Variants in TRPC4 observed in about 807,000 individuals in gnomAD.
The protein encoded by TRPC4 is short transient receptor potential channel 4.
TRPC4 carries 49 observed loss-of-function variants against 99.4 expected under a neutral mutation model. The observed-to-expected ratio is 0.49, with a 90% CI of 0.39 to 0.63. The LOEUF (loss-of-function observed/expected upper bound fraction) is 0.63. Among genes scored for constraint, TRPC4 ranks in the 20% least tolerant of loss-of-function variants. The pLI, the probability that TRPC4 is intolerant of heterozygous loss-of-function variation, is 0.00. For synonymous variants in TRPC4, 454 were observed against 425.9 expected, an observed-to-expected ratio of 1.07 and a Z score of -0.81; for missense variants, 898 against 1,152.9, an observed-to-expected ratio of 0.78 and a Z score of 3.20.
chr13:37,789,434 T>C (rs1179458532), intron 1 of TRPC4, among the ~76,000 whole-genome samples: 1 of 152,188 alleles, frequency 6.6e-6, no homozygotes, highest in Non-Finnish European at 1.5e-5. Context: ...ATAAACCCTG[T>C]GGATCTCTTA....
chr13:37,711,589 A>C (rs1272831336), intron 3 of TRPC4, among the ~76,000 whole-genome samples: 8 of 152,070 alleles, frequency 5.3e-5, no homozygotes, highest in African/African-American at 1.9e-4. Flanking sequence ...CTACCATTCA[A>C]GATATAAGTC....
rs77084170 is a variant in TRPC4 at position 37,722,117 on chromosome 13, T to C, written c.897+23820A>G. 5.5e-4 allele frequency among the ~76,000 whole-genome samples: 83 copies of C among 152,206 alleles called. 1 individual carries two copies. The East Asian group carries it at 0.014, about 26-fold the overall frequency. On this transcript the variant is annotated intron_variant, in intron 3 of 10. Transcript: ENST00000379705. ...AATGTCTATTTCACAGGTAAGGAAC[T>C]AGAGACTGAGGAAGGTTAAATACTT...
In TRPC4 at chr13:37,746,117, C is replaced by T. The variant is rs769218068; in HGVS notation, c.717G>A (p.Ser239=). 5.6e-6 allele frequency: 9 copies of T among 1,613,728 alleles called. No homozygotes were observed. Among genetic ancestry groups the T allele is most frequent in the East Asian group, 2.2e-5 (1 of 44,814 alleles). The part of the protein sequence containing the change: ...ELSKVENEFK[S]EYEELSRQCK... The stretch of plus-strand genomic sequence containing the variant: ...ACTGCCGTGACAGCTCTTCATACTC[C>T]GACTTGAATTCATTTTCCACCTTGC... Residue 239 remains serine, a synonymous_variant, in exon 3 of 11, where the codon TCG becomes TCA. Transcript: ENST00000379705.
rs140558773 is a variant in TRPC4, at chr13:37,834,301, T to A, written c.-28+35294A>T. ...TAATTGTTTCCTAACCTAAATTATG[T>A]GTTGTTTTTGAATACTTTAAGTCAC... is the stretch of plus-strand genomic sequence containing the variant. On this transcript the variant is annotated intron_variant, in intron 1 of 10. Transcript: ENST00000379705. Among the ~76,000 whole-genome samples the A allele has an allele frequency of 3.3e-5, 5 of 152,320 alleles. No individual in the cohort carries two copies. The East Asian group carries it at 7.7e-4, about 24-fold the overall frequency.
intron 1 of TRPC4, among the ~76,000 whole-genome samples, chr13:37,791,370 T>C (rs1957113634): frequency 7.1e-6 from 1 of 140,318 alleles, no homozygotes; most frequent in Non-Finnish European, 1.5e-5. Context: ...CACTCCAGCC[T>C]GGGCAACACA....
At chr13:37,828,795 A>G (rs2139582212) in intron 1 of TRPC4, among the ~76,000 whole-genome samples, 1 of 152,280 alleles carries the variant, frequency 6.6e-6, no homozygotes, top group East Asian at 1.9e-4. Flanking sequence ...GTACATACAG[A>G]AACAAAGAAG....
chr13:37,640,127 A>G (rs896216956), intron 8 of TRPC4, among the ~76,000 whole-genome samples: 1 of 152,140 alleles, frequency 6.6e-6, no homozygotes, highest in African/African-American at 2.4e-5. Flanking sequence ...TGTTGAATAA[A>G]CATCAGCACT....
intron 6 of TRPC4, 140 bp downstream of exon 6, chr13:37,663,276 T>A (rs1952514461): frequency 1.5e-6 from 1 of 681,194 alleles, no homozygotes; most frequent in African/African-American, 1.8e-5. Context: ...CAAAGCCATG[T>A]TAATTCTGTT....
At chr13:37,839,201 T>G (rs1464754000) in intron 1 of TRPC4, among the ~76,000 whole-genome samples, 1 of 152,180 alleles carries the variant, frequency 6.6e-6, no homozygotes, top group Non-Finnish European at 1.5e-5. Context: ...CTTGTAGCTA[T>G]TCGCATTCCC....
chr13:37,782,876 A>C (rs992341908), intron 2 of TRPC4, 80 bp downstream of exon 2: 28 of 1,117,296 alleles, frequency 2.5e-5, no homozygotes, highest in Non-Finnish European at 2.9e-5. Flanking sequence ...TGAAAATCTA[A>C]AAAAAAAAAA....
At chr13:37,862,394 G>A (rs550229443) in intron 1 of TRPC4, among the ~76,000 whole-genome samples, 26 of 151,632 alleles carry the variant, frequency 1.7e-4, no homozygotes, top group Non-Finnish European at 3.1e-4. Context: ...GGAAAACACT[G>A]TTTTTAATAG....
intron 1 of TRPC4, among the ~76,000 whole-genome samples, chr13:37,839,010 C>T (rs1464642213): frequency 6.6e-6 from 1 of 152,116 alleles, no homozygotes; most frequent in Non-Finnish European, 1.5e-5. Context: ...ATATCATGCT[C>T]TTATATATAT....
At chr13:37,771,201 T>G (rs1428017511) in intron 2 of TRPC4, among the ~76,000 whole-genome samples, 1 of 151,768 alleles carries the variant, frequency 6.6e-6, no homozygotes. Flanking sequence ...TTTGTAAGTA[T>G]GTTTTAACAA....
intron 4 of TRPC4, among the ~76,000 whole-genome samples, chr13:37,679,501 T>C (rs373162175): frequency 6.6e-5 from 10 of 152,312 alleles, no homozygotes; most frequent in African/African-American, 2.4e-4. Flanking sequence ...AATAAAAGCA[T>C]AGTAGACATG....
chr13:37,829,943 A>T (rs989078322), intron 1 of TRPC4, among the ~76,000 whole-genome samples: 1 of 152,182 alleles, frequency 6.6e-6, no homozygotes, highest in Non-Finnish European at 1.5e-5. Context: ...AGGTAAATCC[A>T]TGGGAAAAGA....
chr13:37,746,286 G>C lies in TRPC4; in HGVS notation c.548C>G (p.Ser183Cys), dbSNP rs1173926644. The C allele has an allele frequency of 6.2e-7, 1 of 1,613,830 alleles. No individual in the cohort carries two copies. The highest frequency in any genetic ancestry group is 1.7e-5 in the Admixed American group (1 of 59,988). ...ACGGAGGCTGTCCACATCTGAACTG[G>C]ACACGCATTCCACACAGTTACAGCG... is the stretch of plus-strand genomic sequence containing the variant. Reference protein sequence around the residue: ...EVRCNCVECVSSSDVDSLRHS... With the variant: ...EVRCNCVECVCSSDVDSLRHS... The change falls in exon 3 of 11, where the codon TCC (serine) becomes TGC (cysteine). Residue 183 changes from serine to cysteine, a missense_variant. Physicochemically the swap from Ser to Cys is moderately radical, Grantham distance 112. Transcript: ENST00000379705.
chr13:37,662,746 G>C (rs1205215496), intron 6 of TRPC4, among the ~76,000 whole-genome samples: 1 of 152,204 alleles, frequency 6.6e-6, no homozygotes, highest in Non-Finnish European at 1.5e-5. Context: ...CAGATATATA[G>C]AGGAATAGCC....
intron 2 of TRPC4, among the ~76,000 whole-genome samples, chr13:37,770,218 C>T (rs1053348166): frequency 3.3e-5 from 5 of 151,330 alleles, no homozygotes; most frequent in African/African-American, 1.2e-4. Context: ...AGGCCTGACT[C>T]AAGGACTAAT....
chr13:37,764,484 A>T (rs1956305693), intron 2 of TRPC4, among the ~76,000 whole-genome samples: 1 of 150,768 alleles, frequency 6.6e-6, no homozygotes, highest in Admixed American at 6.6e-5. Context: ...TTTGTAGATG[A>T]TGTTTTGTTT....
Sources: allele counts gnomAD v4.1 joint callset (sites outside exome capture counted in the v4.1 genomes callset), GRCh38; gene constraint gnomAD v4.1.1; transcripts MANE v1.5; gene names NCBI Gene and HGNC (gene_info 2026-07-23, HGNC 2026-07-21).